CFAP141: variants seen among roughly 807,000 people sequenced by gnomAD.
The protein encoded by CFAP141 is cilia and flagella associated protein 141.
the CFAP141 span, chr1:154,206,143 C>T: frequency 1.2e-6 from 1 of 851,862 alleles, no homozygotes; most frequent in South Asian, 1.3e-5. Context: ...ACACAGCCTC[C>T]CACTCCTGTT....
At chr1:154,204,317 C>T in the CFAP141 span, among the ~76,000 whole-genome samples, 1 of 152,132 alleles carries the variant, frequency 6.6e-6, no homozygotes, top group South Asian at 2.1e-4. Context: ...CTTGTTTCTT[C>T]ACATCCTTGC....
At chr1:154,202,937 A>G in the CFAP141 span, among the ~76,000 whole-genome samples, 4,661 of 151,624 alleles carry the variant, frequency 0.031, 226 homozygotes, top group African/African-American at 0.1. Context: ...TCTGGCCAAC[A>G]TGGTGAAACC....
the CFAP141 span, chr1:154,205,727 A>T: frequency 8.0e-7 from 1 of 1,246,976 alleles, no homozygotes; most frequent in Non-Finnish European, 1.2e-6. Context: ...TTTTTGAGAC[A>T]GAGTTTTGCT....
chr1:154,199,512 A>G, the CFAP141 span: 1 of 1,611,438 alleles, frequency 6.2e-7, no homozygotes, highest in Non-Finnish European at 8.5e-7. Flanking sequence ...CAGCTGGTGC[A>G]GGGCAGCTTG....
the CFAP141 span, chr1:154,199,657 G>T: frequency 1.6e-6 from 1 of 642,444 alleles, no homozygotes. Flanking sequence ...CATAAAGCTG[G>T]GTGGTAGCAG....
chr1:154,204,443 TTTAAA>T, the CFAP141 span, among the ~76,000 whole-genome samples: 2 of 152,308 alleles, frequency 1.3e-5, no homozygotes, highest in South Asian at 4.1e-4. Flanking sequence ...TATTTATTTA[TTTAAA>T]TTAAGTTTTT....
At chr1:154,203,437 T>C in the CFAP141 span, among the ~76,000 whole-genome samples, 7 of 150,642 alleles carry the variant, frequency 4.6e-5, no homozygotes, top group Non-Finnish European at 8.9e-5. Flanking sequence ...CTTTTGCATA[T>C]ATATTTTTTT....
the CFAP141 span, among the ~76,000 whole-genome samples, chr1:154,204,675 C>T: frequency 6.6e-6 from 1 of 151,944 alleles, no homozygotes; most frequent in Non-Finnish European, 1.5e-5. Flanking sequence ...GATCCTCCTG[C>T]TTCAGTCTCC....
the CFAP141 span, among the ~76,000 whole-genome samples, chr1:154,202,879 G>C: frequency 2.0e-5 from 3 of 151,672 alleles, no homozygotes; most frequent in Admixed American, 6.6e-5. Context: ...CCAGCACTTC[G>C]GGAGGCTGAG....
the CFAP141 span, chr1:154,206,223 T>C: frequency 6.5e-7 from 1 of 1,546,608 alleles, no homozygotes; most frequent in East Asian, 2.2e-5. Context: ...AGTAAATTGA[T>C]CTGGAAACTT....
At chr1:154,202,623 A>AC in the CFAP141 span, among the ~76,000 whole-genome samples, 1 of 150,352 alleles carries the variant, frequency 6.7e-6, no homozygotes, top group African/African-American at 2.4e-5. Context: ...ACACGGTGAA[A>AC]CCCCGTCTCT....
the CFAP141 span, among the ~76,000 whole-genome samples, chr1:154,204,923 G>A: frequency 1.3e-5 from 2 of 149,992 alleles, no homozygotes; most frequent in African/African-American, 2.5e-5. Flanking sequence ...ACCCAGGCTG[G>A]AGTGCTGGAG....
the CFAP141 span, among the ~76,000 whole-genome samples, chr1:154,199,738 T>C: frequency 6.6e-6 from 1 of 152,100 alleles, no homozygotes; most frequent in Non-Finnish European, 1.5e-5. Context: ...GTTCAGCAAA[T>C]ATTTGCTGAG....
At chr1:154,199,437 T>C in the CFAP141 span, 1 of 1,607,910 alleles carries the variant, frequency 6.2e-7, no homozygotes, top group Middle Eastern at 1.7e-4. Context: ...TCAGAATCTC[T>C]CTACATAAAA....
the CFAP141 span, chr1:154,200,472 T>C: frequency 1.2e-6 from 2 of 1,614,194 alleles, no homozygotes; most frequent in East Asian, 4.5e-5. Context: ...TAGTAGTTGC[T>C]TTTTGGCCAG....
At chr1:154,201,277 T>C in the CFAP141 span, among the ~76,000 whole-genome samples, 1 of 152,110 alleles carries the variant, frequency 6.6e-6, no homozygotes, top group Non-Finnish European at 1.5e-5. Context: ...ATTACAGGCA[T>C]GCGCCACCGC....
the CFAP141 span, among the ~76,000 whole-genome samples, chr1:154,200,236 C>T: frequency 6.6e-6 from 1 of 152,226 alleles, no homozygotes; most frequent in Non-Finnish European, 1.5e-5. Context: ...TACTTTGGGA[C>T]TTTAACATGT....
At chr1:154,204,622 A>T in the CFAP141 span, among the ~76,000 whole-genome samples, 6 of 151,896 alleles carry the variant, frequency 4.0e-5, no homozygotes. Context: ...TCTCTCACCC[A>T]GGCTAGAATG....
the CFAP141 span, among the ~76,000 whole-genome samples, chr1:154,206,121 A>C: frequency 6.6e-6 from 1 of 152,156 alleles, no homozygotes; most frequent in Admixed American, 6.5e-5. Context: ...TTGAATACCT[A>C]CTGTGTACTA....
Sources: allele counts gnomAD v4.1 joint callset (sites outside exome capture counted in the v4.1 genomes callset), GRCh38; gene constraint gnomAD v4.1.1; transcripts MANE v1.5; gene names NCBI Gene and HGNC (gene_info 2026-07-23, HGNC 2026-07-21).